Variants in NXPE3 observed in about 807,000 individuals in gnomAD.
NXPE3 encodes NXPE family member 3.
A neutral mutation model predicts 46.1 loss-of-function variants in NXPE3; 26 were observed. That is an observed-to-expected ratio of 0.56 (90% CI 0.41 to 0.78). The LOEUF is 0.78. Ranked by LOEUF, NXPE3 falls within the 30% of genes least tolerant of loss-of-function variation. The pLI is 0.00. For missense variants in NXPE3, 620 were observed against 686.0 expected, an observed-to-expected ratio of 0.90 and a Z score of 1.07; for synonymous variants, 272 against 257.9, an observed-to-expected ratio of 1.05 and a Z score of -0.52.
intron 7 of NXPE3, among the ~76,000 whole-genome samples, chr3:101,821,085 G>C (rs1177210439): frequency 6.6e-6 from 1 of 152,100 alleles, no homozygotes; most frequent in Non-Finnish European, 1.5e-5. Context: ...AACATTTCTT[G>C]GCCTAATAAT....
intron 6 of NXPE3, among the ~76,000 whole-genome samples, chr3:101,814,855 G>A (rs1941899010): frequency 1.3e-5 from 2 of 152,162 alleles, no homozygotes; most frequent in South Asian, 4.1e-4. Flanking sequence ...CTAGCACACA[G>A]TGGTTAAGAT....
rs759567920 is a variant in NXPE3, at chr3:101,821,700, A to G, written c.1426A>G (p.Lys476Glu). The change falls in exon 8 of 8, where the codon AAG (lysine) becomes GAG (glutamate). Residue 476 changes from lysine to glutamate, a missense_variant. Physicochemically the swap from Lys to Glu is moderately conservative, Grantham distance 56. This residue lies in a region of NXPE3 where 75 missense variants were observed against 121.1 expected (regional missense o/e 0.62). Coordinates refer to ENST00000273347, the MANE Select transcript of NXPE3 (RefSeq NM_145037.4). ...GGTTCGGCTCCTCGATCGAAGCCCA[A>G]AGACCGTGGTGGTCATCCGGACGGC... is the stretch of plus-strand genomic sequence containing the variant. ...AVVRLLDRSP[K>E]TVVVIRTANA... 147 of 1,614,102 alleles carry G rather than the reference A, an allele frequency of 9.1e-5. No homozygotes were observed. Among genetic ancestry groups the G allele is most frequent in the Non-Finnish European group, 1.1e-4 (134 of 1,180,044 alleles).
At chr3:101,803,196 CT>C in intron 5 of NXPE3, among the ~76,000 whole-genome samples, 1 of 152,272 alleles carries the variant, frequency 6.6e-6, no homozygotes, top group Admixed American at 6.5e-5. Flanking sequence ...AAATTTCATA[CT>C]TTATGTCCAC....
chr3:101,783,816 G>T (rs572587712), intron 3 of NXPE3, among the ~76,000 whole-genome samples: 5 of 152,150 alleles, frequency 3.3e-5, no homozygotes, highest in Non-Finnish European at 7.3e-5. Context: ...TGGCAGAACA[G>T]TTGGGACCCT....
At chr3:101,796,174 A>T (rs1940820032) in intron 4 of NXPE3, among the ~76,000 whole-genome samples, 1 of 152,096 alleles carries the variant, frequency 6.6e-6, no homozygotes, top group Non-Finnish European at 1.5e-5. Context: ...AGTTAGGCCC[A>T]CCCCTGGGCT....
intron 7 of NXPE3, among the ~76,000 whole-genome samples, chr3:101,817,253 C>T (rs1942015616): frequency 6.6e-6 from 1 of 152,190 alleles, no homozygotes; most frequent in South Asian, 2.1e-4. Context: ...TTGGACAAGT[C>T]ATTTACTTTT....
chr3:101,801,118 T>C, intron 4 of NXPE3, 117 bp from the exon 5 acceptor site: 1 of 1,117,358 alleles, frequency 8.9e-7, no homozygotes, highest in Non-Finnish European at 1.3e-6. Context: ...ACTGTGAGAA[T>C]CTGATTGAGC....
At chr3:101,785,203 G>A (rs946993641) in intron 3 of NXPE3, among the ~76,000 whole-genome samples, 199 bp from the exon 4 acceptor site, 4 of 152,106 alleles carry the variant, frequency 2.6e-5, no homozygotes, top group Admixed American at 6.6e-5. Flanking sequence ...GTATTTACAC[G>A]GAAGCCTGAC....
chr3:101,816,689 A>G (rs1941985301), intron 6 of NXPE3, 106 bp from the exon 7 acceptor site: 3 of 834,534 alleles, frequency 3.6e-6, no homozygotes, highest in African/African-American at 1.7e-5. Context: ...TGTTTCCCAC[A>G]TGCTATCAGG....
chr3:101,817,427 T>C (rs1446726293), intron 7 of NXPE3, among the ~76,000 whole-genome samples: 1 of 152,180 alleles, frequency 6.6e-6, no homozygotes, highest in East Asian at 1.9e-4. Flanking sequence ...TAGCTTTGAG[T>C]AGAAGGAAGC....
intron 3 of NXPE3, among the ~76,000 whole-genome samples, chr3:101,783,393 A>G (rs1003541776): frequency 6.6e-6 from 1 of 152,178 alleles, no homozygotes; most frequent in Non-Finnish European, 1.5e-5. Flanking sequence ...AGGTCTGTCT[A>G]GTGTGCCTCA....
chr3:101,802,140 A>G, intron 5 of NXPE3, 151 bp downstream of exon 5: 1 of 657,492 alleles, frequency 1.5e-6, no homozygotes, highest in Non-Finnish European at 2.5e-6. Context: ...AAAAAAAAAC[A>G]TAGATTTGTA....
At chr3:101,813,829 C>T (rs1398807296) in intron 6 of NXPE3, among the ~76,000 whole-genome samples, 1 of 152,052 alleles carries the variant, frequency 6.6e-6, no homozygotes, top group Non-Finnish European at 1.5e-5. Context: ...TTGTGAGTTC[C>T]AAGAAACACC....
chr3:101,794,447 G>A (rs1173293555), intron 4 of NXPE3, among the ~76,000 whole-genome samples: 1 of 152,176 alleles, frequency 6.6e-6, no homozygotes, highest in African/African-American at 2.4e-5. Flanking sequence ...GTTTCTGGCT[G>A]TGAAGAAGAT....
intron 5 of NXPE3, among the ~76,000 whole-genome samples, chr3:101,802,398 G>A (rs901253965): frequency 2.0e-5 from 3 of 151,876 alleles, no homozygotes; most frequent in Non-Finnish European, 4.4e-5. Flanking sequence ...CGGGAGGATC[G>A]CTTGAGCCCA....
chr3:101,813,623 C>G (rs1185752244), intron 6 of NXPE3, among the ~76,000 whole-genome samples: 1 of 152,198 alleles, frequency 6.6e-6, no homozygotes, highest in Non-Finnish European at 1.5e-5. Flanking sequence ...TTGCCCAAAT[C>G]TTCATATCTG....
intron 1 of NXPE3, 76 bp from the exon 2 acceptor site, chr3:101,782,034 C>G (rs1322805716): frequency 6.6e-6 from 1 of 152,132 alleles, no homozygotes; most frequent in African/African-American, 2.4e-5. Context: ...AAATTGTACT[C>G]TTAATTTCTA....
In NXPE3 at chr3:101,828,154, A is replaced by G; in HGVS notation, c.*6200A>G. The G allele has an allele frequency of 6.6e-6, 1 of 152,118 alleles. No homozygotes were observed. The highest frequency in any genetic ancestry group is 1.5e-5 in the Non-Finnish European group (1 of 68,020). 9.4% of individuals were successfully genotyped at this position (152,118 alleles called of 1,614,324 possible). A position where few individuals can be genotyped will look rare whatever the true frequency, so the allele number is the denominator to read the frequency against. ...GGAAACAATTGATTTGCTCTTACGTATTTGTGTGACTTGACTCTTCAAACA... is the reference window on the plus strand; with the variant it reads ...GGAAACAATTGATTTGCTCTTACGTGTTTGTGTGACTTGACTCTTCAAACA... On this transcript the variant is annotated 3_prime_UTR_variant, in exon 8 of 8. Transcript: ENST00000273347.
At position 101,779,216 on chromosome 3, in the gene NXPE3, G is replaced by GACGTCGCCGGGTGAGGAA. The variant is rs1458846060; in HGVS notation, c.-605_-588dup. On this transcript the variant is annotated 5_prime_UTR_variant, in exon 1 of 8. Coordinates refer to ENST00000273347, the MANE Select transcript of NXPE3 (RefSeq NM_145037.4). ...CGTAGCCGGGGGTCGGAGGTGAGGA[G>GACGTCGCCGGGTGAGGAA]ACGTCGCCGGGTGAGGAAGCGGGGG... is the stretch of plus-strand genomic sequence containing the variant. 2.6e-5 allele frequency: 4 copies of GACGTCGCCGGGTGAGGAA among 152,264 alleles called. No homozygotes were observed. The highest frequency in any genetic ancestry group is 4.4e-5 in the Non-Finnish European group (3 of 68,074). The allele number at this position is 152,264 out of a possible 1,614,324, so 9.4% of individuals were successfully genotyped here. A position where few individuals can be genotyped will look rare whatever the true frequency, so the allele number is the denominator to read the frequency against.
Sources: allele counts gnomAD v4.1 joint callset (sites outside exome capture counted in the v4.1 genomes callset), GRCh38; gene constraint gnomAD v4.1.1; regional missense constraint gnomAD v4.1.1; transcripts MANE v1.5; gene names NCBI Gene and HGNC (gene_info 2026-07-23, HGNC 2026-07-21).